The following LAIR1 variants were observed in gnomAD, a reference collection of about 807,000 sequenced individuals.
LAIR1 encodes the protein leukocyte-associated immunoglobulin-like receptor 1.
LAIR1 carries 24 observed loss-of-function variants against 32.8 expected under a neutral mutation model. The ratio of observed to expected loss-of-function variants is 0.73; its 90% confidence interval spans 0.53 to 1.03. LAIR1 has a LOEUF of 1.03. Ranked by LOEUF, LAIR1 falls within the 50% of genes least tolerant of loss-of-function variation. LAIR1 has a pLI of 0.00. For missense variants in LAIR1, 355 were observed against 347.5 expected (o/e 1.02, Z -0.17); for synonymous variants, 150 against 140.5 (o/e 1.07, Z -0.48).
chr19:54,354,734 G>A lies in LAIR1; in HGVS notation c.*534C>T, dbSNP rs1479819296. 1 of 152,378 alleles carries A rather than the reference G, an allele frequency of 6.6e-6. No individual in the cohort carries two copies. Among genetic ancestry groups the A allele is most frequent in the Admixed American group, 6.5e-5 (1 of 15,274 alleles). The allele number at this position is 152,378 out of a possible 1,614,324, so 9.4% of individuals were successfully genotyped here. A position where few individuals can be genotyped will look rare whatever the true frequency, so the allele number is the denominator to read the frequency against. On this transcript the variant is annotated 3_prime_UTR_variant, in exon 10 of 10. Transcript: ENST00000391742. ...AGTAAAGCACAACCCAGAGAACTGG[G>A]CTTGGCTCTCAGCTGTGTGTGTATA... is the stretch of plus-strand genomic sequence containing the variant.
intron 2 of LAIR1, among the ~76,000 whole-genome samples, chr19:54,361,764 G>A (rs974411326): frequency 5.3e-5 from 8 of 151,450 alleles, no homozygotes; most frequent in African/African-American, 9.7e-5. Context: ...TGCCCAGCCC[G>A]TGACAGGTCC....
upstream of LAIR1, among the ~76,000 whole-genome samples, chr19:54,373,528 G>A (rs2082455644): frequency 6.6e-6 from 1 of 152,166 alleles, no homozygotes; most frequent in Admixed American, 6.6e-5. Context: ...TTGAGATTCA[G>A]GAATGAACAA....
chr19:54,367,756 TA>T (rs1476028624), upstream of LAIR1, among the ~76,000 whole-genome samples: 10 of 139,298 alleles, frequency 7.2e-5, no homozygotes, highest in African/African-American at 2.4e-4. Flanking sequence ...AAAAAATATA[TA>T]TTTTTTTTAA....
At chr19:54,357,043 C>A (rs2081753819) in intron 4 of LAIR1, 77 bp from the exon 5 acceptor site, 2 of 1,353,574 alleles carry the variant, frequency 1.5e-6, no homozygotes, top group Admixed American at 1.9e-5. Flanking sequence ...CTCCCACATC[C>A]ACTGTGGGGA....
At chr19:54,370,534 A>T in exon 1 of LAIR1, 2 of 393,516 alleles carry the variant, frequency 5.1e-6, no homozygotes, top group Non-Finnish European at 9.1e-6. Context: ...GGTGTCATAG[A>T]TGTGAAAAAG....
rs2081702451 is a variant in LAIR1 at position 54,356,337 on chromosome 19, T to C, written c.626+19A>G. The C allele has an allele frequency of 6.3e-7, 1 of 1,595,766 alleles. No homozygotes were observed. Among genetic ancestry groups the C allele is most frequent in the Non-Finnish European group, 8.5e-7 (1 of 1,171,740 alleles). On this transcript the variant is annotated intron_variant, in intron 7 of 9. Coordinates refer to ENST00000391742, the MANE Select transcript of LAIR1 (RefSeq NM_002287.6). The stretch of plus-strand genomic sequence containing the variant: ...CGAGGACTGGGTGGAGGTCCAGGAG[T>C]CATTCCCAGGGGCCTCACCTCTGCT...
rs73936525 is a variant in LAIR1 at position 54,361,088 on chromosome 19, A to G, written c.192T>C (p.Ser64=). The stretch of plus-strand genomic sequence containing the variant: ...CTTCAGTATCATTGTATGTGGATCT[A>G]CTGTCCCTCTCCAGGCGGAATGTTT... ...GVQTFRLERD[S]RSTYNDTEDV... The change falls in exon 3 of 10, where the codon AGT becomes AGC. Residue 64 remains serine, a synonymous_variant. Coordinates refer to ENST00000391742, the MANE Select transcript of LAIR1 (RefSeq NM_002287.6). The G allele has an allele frequency of 3.1e-4, 499 of 1,613,722 alleles. 2 individuals carry two copies. The African/African-American group carries it at 6.3e-3, about 20-fold the overall frequency.
At chr19:54,365,602 C>T (rs992794924), upstream of LAIR1, among the ~76,000 whole-genome samples, 1 of 152,060 alleles carries the variant, frequency 6.6e-6, no homozygotes, top group South Asian at 2.1e-4. Context: ...ACCAGCCTGG[C>T]CAACATAGTG....
At chr19:54,365,510 G>T (rs1214426478), upstream of LAIR1, among the ~76,000 whole-genome samples, 2 of 152,206 alleles carry the variant, frequency 1.3e-5, no homozygotes, top group Admixed American at 6.5e-5. Flanking sequence ...AAAGAAACAG[G>T]CCAGGCGCAG....
At chr19:54,375,580 G>A in the LAIR1 span, among the ~76,000 whole-genome samples, 4 of 152,178 alleles carry the variant, frequency 2.6e-5, no homozygotes, top group African/African-American at 9.7e-5. Context: ...CCACGGCTGT[G>A]GGGTGTGGAG....
the LAIR1 span, among the ~76,000 whole-genome samples, chr19:54,375,575 G>A: frequency 6.6e-6 from 1 of 152,202 alleles, no homozygotes; most frequent in African/African-American, 2.4e-5. Context: ...GGCAACCACG[G>A]CTGTGGGGTG....
rs190031436 is a variant in LAIR1, at chr19:54,364,912, A to G, written c.-108T>C. The stretch of plus-strand genomic sequence containing the variant: ...TGTGCTGCCCGGGGGCCTCCTGCCT[A>G]TGGGGCTTCCACAGCAACTGCCTCA... On this transcript the variant is annotated 5_prime_UTR_variant, in exon 1 of 10. Coordinates refer to ENST00000391742, the MANE Select transcript of LAIR1 (RefSeq NM_002287.6). The surrounding 1 kb of genome is among the most constrained non-coding windows in gnomAD (Gnocchi z 4.8). 1.8e-3 allele frequency: 2,831 copies of G among 1,601,438 alleles called. 4 individuals are homozygous for G. The highest frequency in any genetic ancestry group is 5.0e-3 in the African/African-American group (376 of 74,740).
intron 1 of LAIR1, among the ~76,000 whole-genome samples, chr19:54,369,981 T>C (rs2082366573): frequency 6.8e-6 from 1 of 148,046 alleles, no homozygotes; most frequent in South Asian, 2.2e-4. Flanking sequence ...GTTCAGCACG[T>C]TGCAATCCTG....
upstream of LAIR1, chr19:54,368,401 T>C (rs1482479804): frequency 2.0e-5 from 3 of 152,238 alleles, no homozygotes; most frequent in Non-Finnish European, 2.9e-5. Context: ...TGAGAATGAC[T>C]TTCCTGCTTC....
upstream of LAIR1, among the ~76,000 whole-genome samples, chr19:54,371,609 T>C (rs1390281259): frequency 6.6e-6 from 1 of 151,604 alleles, no homozygotes; most frequent in Non-Finnish European, 1.5e-5. Flanking sequence ...TCGTTTTTAA[T>C]TTTAGTGCAA....
chr19:54,356,346 G>T lies in LAIR1; in HGVS notation c.626+10C>A, dbSNP rs770072699. 6.3e-7 allele frequency: 1 copy of T among 1,596,908 alleles called. No homozygotes were observed. Among genetic ancestry groups the T allele is most frequent in the South Asian group, 1.1e-5 (1 of 88,096 alleles). On this transcript the variant is annotated intron_variant, in intron 7 of 9. Transcript: ENST00000391742. ...GGTGGAGGTCCAGGAGTCATTCCCA[G>T]GGGCCTCACCTCTGCTGTGGCTTCT...
At position 54,351,574 on chromosome 19, in the gene LAIR1, T is replaced by G. The variant is rs1294013646; in HGVS notation, c.*3694A>C. The G allele has an allele frequency of 1.3e-5, 2 of 152,202 alleles. No homozygotes were observed. The highest frequency in any genetic ancestry group is 6.5e-5 in the Admixed American group (1 of 15,282). The allele number at this position is 152,202 out of a possible 1,614,324, so 9.4% of individuals were successfully genotyped here. Reference sequence around the variant, plus strand: ...TCACAGAAAGTTTTCAGAGACTAACTGGCATCACCAACCAAAACACAACAT... The same window carrying G: ...TCACAGAAAGTTTTCAGAGACTAACGGGCATCACCAACCAAAACACAACAT... On this transcript the variant is annotated 3_prime_UTR_variant, in exon 10 of 10. Coordinates refer to ENST00000391742, the MANE Select transcript of LAIR1 (RefSeq NM_002287.6).
upstream of LAIR1, among the ~76,000 whole-genome samples, chr19:54,367,935 G>C (rs1247492405): frequency 6.7e-6 from 1 of 150,140 alleles, no homozygotes; most frequent in Admixed American, 6.6e-5. Flanking sequence ...ACCACGCCCG[G>C]CTAATTTTTT....
upstream of LAIR1, among the ~76,000 whole-genome samples, chr19:54,365,556 C>G (rs1169850014): frequency 6.6e-6 from 1 of 152,082 alleles, no homozygotes. Context: ...TTCGGGAGGC[C>G]GGGGTGGGTG....
Sources: gnomAD v4.1 joint callset for allele counts (sites outside exome capture counted in the v4.1 genomes callset) on GRCh38, gnomAD v4.1.1 for gene constraint, Gnocchi (gnomAD v3.1) non-coding constraint, MANE v1.5 for transcripts, NCBI Gene and HGNC (gene_info 2026-07-23, HGNC 2026-07-21) for gene names.